The following LYPLA1 variants were observed in gnomAD, a reference collection of about 807,000 sequenced individuals.
The protein encoded by LYPLA1 is lysophospholipase 1.
In LYPLA1, 17 loss-of-function variants were observed where a neutral mutation model predicts 34.0. The observed-to-expected ratio is 0.50, with a 90% CI of 0.34 to 0.75. LYPLA1 has a LOEUF of 0.75. Ranked by LOEUF, LYPLA1 falls within the 30% of genes least tolerant of loss-of-function variation. LYPLA1 has a pLI of 0.01. For missense variants in LYPLA1, 203 were observed against 288.8 expected, an observed-to-expected ratio of 0.70 and a Z score of 2.15; for synonymous variants, 98 against 100.8, an observed-to-expected ratio of 0.97 and a Z score of 0.17.
intron 2 of LYPLA1, among the ~76,000 whole-genome samples, chr8:54,084,149 T>TAC (rs1808529432): frequency 2.3e-5 from 3 of 129,082 alleles, no homozygotes; most frequent in Admixed American, 7.4e-5. Flanking sequence ...TAAATATATA[T>TAC]ATATATATAT....
intron 2 of LYPLA1, among the ~76,000 whole-genome samples, chr8:54,076,920 T>C (rs2129345968): frequency 6.6e-6 from 1 of 152,298 alleles, no homozygotes; most frequent in South Asian, 2.1e-4. Context: ...AGACCCCTGA[T>C]TTCCCACTTC....
intron 3 of LYPLA1, among the ~76,000 whole-genome samples, chr8:54,065,111 C>T (rs1385862660): frequency 1.3e-5 from 2 of 152,108 alleles, no homozygotes; most frequent in African/African-American, 2.4e-5. Context: ...GTGTTTTCAA[C>T]GTAATAAAGA....
chr8:54,096,460 T>C (rs1809690563), intron 2 of LYPLA1, among the ~76,000 whole-genome samples: 1 of 152,054 alleles, frequency 6.6e-6, no homozygotes, highest in African/African-American at 2.4e-5. Context: ...AAAATCTGAC[T>C]GGACACTATG....
chr8:54,050,735 T>A (rs1424940039), intron 8 of LYPLA1, among the ~76,000 whole-genome samples: 1 of 152,208 alleles, frequency 6.6e-6, no homozygotes, highest in Non-Finnish European at 1.5e-5. Flanking sequence ...ATACAGTTAC[T>A]TAGACATGCA....
In LYPLA1 at chr8:54,101,854, G is replaced by C; in HGVS notation, c.-31C>G. 2.4e-6 allele frequency: 3 copies of C among 1,224,904 alleles called. No homozygotes were observed. Among genetic ancestry groups the C allele is most frequent in the Non-Finnish European group, 3.1e-6 (3 of 970,372 alleles). The allele number at this position is 1,224,904 out of a possible 1,614,324, so 75.9% of individuals were successfully genotyped here. ...GCCTCAGCTCACAGCGCAAGCGGAAGGAAGAGCGGGCGCCCGGCCGCGGCC... is the reference window on the plus strand; with the variant it reads ...GCCTCAGCTCACAGCGCAAGCGGAACGAAGAGCGGGCGCCCGGCCGCGGCC... On this transcript the variant is annotated 5_prime_UTR_variant, in exon 1 of 9. Transcript: ENST00000316963.
intron 2 of LYPLA1, chr8:54,073,026 C>A: frequency 9.4e-6 from 4 of 425,824 alleles, no homozygotes; most frequent in South Asian, 2.4e-5. Flanking sequence ...CAAATCAAAA[C>A]CACAACAAAA....
intron 3 of LYPLA1, among the ~76,000 whole-genome samples, chr8:54,065,492 T>A (rs1806994665): frequency 9.4e-6 from 1 of 106,058 alleles, no homozygotes; most frequent in Non-Finnish European, 2.2e-5. Flanking sequence ...ATAAATAAAA[T>A]AATTTTTCTG....
chr8:54,088,401 T>C (rs1808961421), intron 2 of LYPLA1, among the ~76,000 whole-genome samples: 1 of 152,194 alleles, frequency 6.6e-6, no homozygotes, highest in African/African-American at 2.4e-5. Context: ...AAAATCACAA[T>C]GCGACACCAC....
intron 5 of LYPLA1, 57 bp downstream of exon 5, chr8:54,062,197 A>C: frequency 8.0e-7 from 1 of 1,244,744 alleles, no homozygotes; most frequent in East Asian, 2.5e-5. Flanking sequence ...ATGATTACTA[A>C]ATCTACTAAA....
At chr8:54,087,230 T>C (rs919864229) in intron 2 of LYPLA1, among the ~76,000 whole-genome samples, 3 of 152,216 alleles carry the variant, frequency 2.0e-5, no homozygotes, top group African/African-American at 7.2e-5. Context: ...TATATTTCTA[T>C]ACACTAGCAA....
chr8:54,089,047 G>A (rs1809006093), intron 2 of LYPLA1, among the ~76,000 whole-genome samples: 1 of 152,222 alleles, frequency 6.6e-6, no homozygotes, highest in Non-Finnish European at 1.5e-5. Flanking sequence ...AAAAGATAGT[G>A]GTTGCCAGGG....
At chr8:54,070,038 T>C (rs1344544206) in intron 2 of LYPLA1, among the ~76,000 whole-genome samples, 4 of 152,214 alleles carry the variant, frequency 2.6e-5, no homozygotes, top group African/African-American at 9.6e-5. Context: ...TCATACACTG[T>C]TGGTAGAAAT....
intron 2 of LYPLA1, among the ~76,000 whole-genome samples, chr8:54,092,234 A>G (rs944285410): frequency 6.8e-6 from 1 of 146,194 alleles, no homozygotes; most frequent in African/African-American, 2.5e-5. Context: ...GGAGGAGGAG[A>G]AGGAGAAAGA....
chr8:54,084,133 A>AAAAAAAAATATAT (rs1373090573), intron 2 of LYPLA1, among the ~76,000 whole-genome samples: 1 of 120,484 alleles, frequency 8.3e-6, no homozygotes, highest in African/African-American at 4.6e-5. Flanking sequence ...AGAAAAAAAA[A>AAAAAAAAATATAT]ATAAATAAAT....
intron 5 of LYPLA1, among the ~76,000 whole-genome samples, chr8:54,057,785 T>C (rs922726633): frequency 1.3e-5 from 2 of 152,154 alleles, no homozygotes; most frequent in African/African-American, 4.8e-5. Context: ...AGTGTACATT[T>C]TAAAATAACT....
intron 2 of LYPLA1, among the ~76,000 whole-genome samples, chr8:54,084,133 A>AAAAAAAATATATATAT (rs1373090573): frequency 8.3e-6 from 1 of 120,484 alleles, no homozygotes; most frequent in African/African-American, 4.6e-5. Flanking sequence ...AGAAAAAAAA[A>AAAAAAAATATATATAT]ATAAATAAAT....
rs753191062 is a variant in LYPLA1, at chr8:54,065,786, A to T, written c.129T>A (p.Gly43=). The part of the protein sequence containing the change: ...TGHGWAEAFA[G]IRSSHIKYIC... ...TATATTTGATATGTGAACTTCTGATACCTGCAAAGGCTTCTGCCCATCCGT... is the reference window on the plus strand; with the variant it reads ...TATATTTGATATGTGAACTTCTGATTCCTGCAAAGGCTTCTGCCCATCCGT... The change falls in exon 3 of 9, where the codon GGT becomes GGA. Residue 43 remains glycine (G), a synonymous_variant. Transcript: ENST00000316963. The T allele has an allele frequency of 2.5e-6, 4 of 1,613,974 alleles. No individual in the cohort carries two copies. The highest frequency in any genetic ancestry group is 3.4e-6 in the Non-Finnish European group (4 of 1,179,886).
At chr8:54,078,447 A>G (rs764574887) in intron 2 of LYPLA1, among the ~76,000 whole-genome samples, 3 of 152,230 alleles carry the variant, frequency 2.0e-5, no homozygotes, top group Non-Finnish European at 2.9e-5. Flanking sequence ...TAAAGTATAC[A>G]TGGTCCCCAA....
intron 2 of LYPLA1, among the ~76,000 whole-genome samples, chr8:54,075,159 T>C (rs369121088): frequency 5.9e-5 from 9 of 152,342 alleles, no homozygotes; most frequent in African/African-American, 2.2e-4. Flanking sequence ...TTATTAACTT[T>C]AAATTTTTTG....
Sources: gnomAD v4.1 joint callset for allele counts (sites outside exome capture counted in the v4.1 genomes callset) on GRCh38, gnomAD v4.1.1 for gene constraint, MANE v1.5 for transcripts, NCBI Gene and HGNC (gene_info 2026-07-23, HGNC 2026-07-21) for gene names.